The following CATSPER2 variants were observed in gnomAD, a reference collection of about 807,000 sequenced individuals.
The protein encoded by CATSPER2 is cation channel sperm associated 2, also known as cation channel sperm-associated protein 2.
Under a neutral mutation model 68.8 loss-of-function variants are expected in CATSPER2, and 56 were observed. That is an observed-to-expected ratio of 0.81 (90% CI 0.66 to 1.02). CATSPER2 has a LOEUF of 1.02. Among genes scored for constraint, CATSPER2 ranks in the 50% least tolerant of loss-of-function variants. CATSPER2 has a pLI of 0.00. For synonymous variants in CATSPER2, 198 were observed against 229.9 expected (o/e 0.86, Z 1.26); for missense variants, 582 against 642.0 (o/e 0.91, Z 1.01).
chr15:43,646,909 G>T, intron 4 of CATSPER2, 141 bp downstream of exon 4: 1 of 744,766 alleles, frequency 1.3e-6, no homozygotes, highest in South Asian at 1.4e-5. Context: ...TAGAGACAGG[G>T]TTTCACCATG....
At chr15:43,640,170 C>T in intron 5 of CATSPER2, 154 bp downstream of exon 5, 2 of 1,543,400 alleles carry the variant, frequency 1.3e-6, no homozygotes, top group Non-Finnish European at 1.7e-6. Flanking sequence ...ACAACTCCTG[C>T]AATGATTGAT....
At chr15:43,647,000 A>G (rs758424632) in intron 4 of CATSPER2, 50 bp downstream of exon 4, 1 of 1,496,040 alleles carries the variant, frequency 6.7e-7, no homozygotes, top group Admixed American at 1.7e-5. Context: ...TACACGTGTG[A>G]GCCGGCGTGC....
At chr15:43,635,486 T>G in intron 9 of CATSPER2, 70 bp from the exon 10 acceptor site, 4 of 1,513,604 alleles carry the variant, frequency 2.6e-6, no homozygotes, top group Non-Finnish European at 3.6e-6. Context: ...AAAAAAAAAG[T>G]TCATATCAGA....
chr15:43,646,639 T>A (rs1456800245), intron 4 of CATSPER2, among the ~76,000 whole-genome samples: 1 of 151,672 alleles, frequency 6.6e-6, no homozygotes, highest in Non-Finnish European at 1.5e-5. Context: ...AAATGTCACA[T>A]TTCAAATGAC....
intron 4 of CATSPER2, among the ~76,000 whole-genome samples, chr15:43,646,460 C>G (rs2086166260): frequency 6.6e-6 from 1 of 151,410 alleles, no homozygotes; most frequent in Non-Finnish European, 1.5e-5. Flanking sequence ...GGGGTTTCAA[C>G]ATGTTGGCTA....
chr15:43,644,331 T>C (rs1448361024), intron 4 of CATSPER2, among the ~76,000 whole-genome samples: 2 of 152,002 alleles, frequency 1.3e-5, no homozygotes, highest in Non-Finnish European at 2.9e-5. Context: ...ACCACAAGAA[T>C]AAGCTTAATA....
At chr15:43,638,224 G>A (rs1321235892) in intron 7 of CATSPER2, among the ~76,000 whole-genome samples, 2 of 149,862 alleles carry the variant, frequency 1.3e-5, no homozygotes, top group Non-Finnish European at 3.0e-5. Flanking sequence ...AAACTGCTGG[G>A]ATTATAGGCA....
chr15:43,647,612 G>C (rs937431619), intron 2 of CATSPER2, 145 bp from the exon 3 acceptor site: 2 of 830,212 alleles, frequency 2.4e-6, no homozygotes, highest in Non-Finnish European at 2.1e-6. Flanking sequence ...TAAGAATTCT[G>C]TTTGGAGTGA....
intron 4 of CATSPER2, among the ~76,000 whole-genome samples, chr15:43,645,482 C>A (rs910509256): frequency 6.6e-6 from 1 of 151,740 alleles, no homozygotes; most frequent in Non-Finnish European, 1.5e-5. Context: ...ATAACTACTC[C>A]CTTCTCTTAA....
At chr15:43,630,806 G>A in intron 12 of CATSPER2, 74 bp from the exon 13 acceptor site, 3 of 1,610,802 alleles carry the variant, frequency 1.9e-6, no homozygotes, top group Non-Finnish European at 2.5e-6. Context: ...TGAAGACCTT[G>A]CTTTTCTGGG....
Position 43,636,239 on chromosome 15 carries a change from A to C in CATSPER2, c.843-20T>G. On this transcript the variant is annotated intron_variant, in intron 7 of 12. Coordinates refer to ENST00000396879, the MANE Select transcript of CATSPER2 (RefSeq NM_172095.4). ...AGGTCCCTAAAGAAAAAGACATGTGAATAGACAGAAGCAGAGACCTAAACC... is the reference window on the plus strand; with the variant it reads ...AGGTCCCTAAAGAAAAAGACATGTGCATAGACAGAAGCAGAGACCTAAACC... 1 of 1,612,852 alleles carries C rather than the reference A, an allele frequency of 6.2e-7. No homozygotes were observed. Among genetic ancestry groups the C allele is most frequent in the Non-Finnish European group, 8.5e-7 (1 of 1,179,152 alleles).
At position 43,638,938 on chromosome 15, in the gene CATSPER2, G is replaced by A. The variant is rs780615430; in HGVS notation, c.808C>T (p.Pro270Ser). ...ACATGGTACTCCAGGTCCTGACGAG[G>A]TGAACGGGTGTACTCTGAGAAGACG... is the stretch of plus-strand genomic sequence containing the variant. Reference protein sequence around the residue: ...VYVFSEYTRSPRQDLEYHVFF... With the variant: ...VYVFSEYTRSSRQDLEYHVFF... Residue 270 changes from proline to serine, a missense_variant, in exon 7 of 13, where the codon CCT becomes TCT. This residue lies in a region of CATSPER2 where 91 missense variants were observed against 72.8 expected (regional missense o/e 1.25). Transcript: ENST00000396879. 5 of 1,613,010 alleles carry A rather than the reference G, an allele frequency of 3.1e-6. No homozygotes were observed. The highest frequency in any genetic ancestry group is 4.2e-6 in the Non-Finnish European group (5 of 1,179,522).
Position 43,648,752 on chromosome 15 carries a change from C to G in CATSPER2, c.-126G>C. 6.6e-7 allele frequency: 1 copy of G among 1,525,736 alleles called. No homozygotes were observed. The highest frequency in any genetic ancestry group is 1.2e-5 in the South Asian group (1 of 82,952). 94.5% of individuals were successfully genotyped at this position (1,525,736 alleles called of 1,614,324 possible). ...AGGGCCGGCTCCCAGCCTCACTGCG[C>G]CCCATTCCCCGCCCCGCTCGACCCC... On this transcript the variant is annotated 5_prime_UTR_variant, in exon 1 of 13. Transcript: ENST00000396879.
rs1408904178 is a variant in CATSPER2, at chr15:43,646,801, G to A, written c.388+249C>T. Among the ~76,000 whole-genome samples the A allele has an allele frequency of 3.4e-5, 5 of 148,836 alleles. No homozygotes were observed. The East Asian group carries it at 6.0e-4, about 18-fold the overall frequency. On this transcript the variant is annotated intron_variant, in intron 4 of 12. Transcript: ENST00000396879. ...ACAATCTCGGCTCACTGAAACCTAC[G>A]CCTCCTGGGTTTAAGCGATTCTCCT...
intron 1 of CATSPER2, 112 bp downstream of exon 1, chr15:43,648,517 A>T (rs2086215746): frequency 8.9e-7 from 1 of 1,129,280 alleles, no homozygotes; most frequent in Non-Finnish European, 1.2e-6. Context: ...GAAATTGGAC[A>T]AAATGCCAAA....
chr15:43,635,687 C>A (rs764978230), intron 9 of CATSPER2, 40 bp downstream of exon 9: 1 of 1,575,944 alleles, frequency 6.3e-7, no homozygotes, highest in African/African-American at 1.3e-5. Flanking sequence ...TCAGGAAACC[C>A]TTGAGAAGGA....
rs572108001 is a variant in CATSPER2, at chr15:43,639,113, C to T, written c.718-85G>A. ...CCCAGTCAAGCTCACCTGGCAATCC[C>T]CCACCAAACCCTCTCTTGCACTGCT... is the stretch of plus-strand genomic sequence containing the variant. On this transcript the variant is annotated intron_variant, in intron 6 of 12. Transcript: ENST00000396879. 5.1e-5 allele frequency: 77 copies of T among 1,520,676 alleles called. 1 individual carries two copies. The East Asian group carries it at 1.5e-3, about 30-fold the overall frequency. The allele number at this position is 1,520,676 out of a possible 1,614,324, so 94.2% of individuals were successfully genotyped here. A position where few individuals can be genotyped will look rare whatever the true frequency, so the allele number is the denominator to read the frequency against.
At chr15:43,644,837 A>C (rs1004734854) in intron 4 of CATSPER2, among the ~76,000 whole-genome samples, 1 of 151,984 alleles carries the variant, frequency 6.6e-6, no homozygotes, top group African/African-American at 2.4e-5. Flanking sequence ...TATAGTTACT[A>C]TTATTTACTT....
intron 3 of CATSPER2, 56 bp from the exon 4 acceptor site, chr15:43,647,174 A>T (rs1472590876): frequency 6.4e-7 from 1 of 1,573,354 alleles, no homozygotes; most frequent in Non-Finnish European, 8.7e-7. Flanking sequence ...TATGCAGCTG[A>T]AATAATAAGA....
Sources: gnomAD v4.1 joint callset for allele counts (sites outside exome capture counted in the v4.1 genomes callset) on GRCh38, gnomAD v4.1.1 for gene constraint, gnomAD v4.1.1 regional missense constraint, MANE v1.5 for transcripts, NCBI Gene and HGNC (gene_info 2026-07-23, HGNC 2026-07-21) for gene names.